The following TUSC3 variants were observed in gnomAD, a reference collection of about 807,000 sequenced individuals.
TUSC3 encodes the protein dolichyl-diphosphooligosaccharide--protein glycosyltransferase subunit TUSC3.
In TUSC3, 45 loss-of-function variants were observed where a neutral mutation model predicts 44.8. The ratio of observed to expected loss-of-function variants is 1.00; its 90% CI spans 0.79 to 1.29. The LOEUF is 1.29. TUSC3 is among the 50% of genes most tolerant of loss of function. The pLI is 0.00. For synonymous variants in TUSC3, 212 were observed against 152.9 expected, an observed-to-expected ratio of 1.39 and a Z score of -2.85; for missense variants, 519 against 437.9, an observed-to-expected ratio of 1.19 and a Z score of -1.65.
chr8:15,687,281 A>T (rs1808677262), intron 6 of TUSC3, among the ~76,000 whole-genome samples: 1 of 151,942 alleles, frequency 6.6e-6, no homozygotes, highest in Non-Finnish European at 1.5e-5. Context: ...TCTAGTGGGG[A>T]TACATAATAT....
At chr8:15,801,106 A>G in the TUSC3 span, among the ~76,000 whole-genome samples, 2 of 152,220 alleles carry the variant, frequency 1.3e-5, no homozygotes, top group Non-Finnish European at 2.9e-5. Flanking sequence ...AAAGAATAAA[A>G]GAATGGCTAC....
At chr8:15,550,807 G>C (rs1025445719) in intron 1 of TUSC3, among the ~76,000 whole-genome samples, 8 of 151,746 alleles carry the variant, frequency 5.3e-5, no homozygotes, top group Admixed American at 1.3e-4. Flanking sequence ...GAGTAGCTGG[G>C]ATTACAAGCG....
chr8:15,751,409 A>G (rs1811697208), intron 9 of TUSC3, among the ~76,000 whole-genome samples: 2 of 152,160 alleles, frequency 1.3e-5, no homozygotes, highest in South Asian at 4.1e-4. Flanking sequence ...TAATGTCTTT[A>G]TACTGTTCTC....
In TUSC3 at chr8:15,726,792, G is replaced by C. The variant is rs575473168; in HGVS notation, c.799-3874G>C. Among the ~76,000 whole-genome samples, 423 of 152,214 alleles carry C rather than the reference G, an allele frequency of 2.8e-3. 24 individuals carry two copies. The South Asian group carries it at 0.086, about 31-fold the overall frequency. ...CTGCAGTCCAGCCTGGGTGAAAAGC[G>C]TGAAACTTTGTCTCAAAAACAAAAG... is the stretch of plus-strand genomic sequence containing the variant. On this transcript the variant is annotated intron_variant, in intron 6 of 10. Coordinates refer to ENST00000503731, the MANE Select transcript of TUSC3 (RefSeq NM_006765.4).
chr8:15,483,649 A>ATTTTGTTTTTTTTT, intron 2 of TUSC3, among the ~76,000 whole-genome samples: 1 of 66,166 alleles, frequency 1.5e-5, no homozygotes, highest in East Asian at 6.7e-4. Context: ...TAGCACTGTG[A>ATTTTGTTTTTTTTT]TTTTTTTTTT....
Position 15,581,896 on chromosome 8 carries a change from CCCTCCCCCAG to C in TUSC3, c.139-41179_139-41170del, listed in dbSNP as rs1192151162. 7.0e-5 allele frequency among the ~76,000 whole-genome samples: 10 copies of C among 141,892 alleles called. 1 individual carries two copies. The South Asian group carries it at 2.2e-3, about 32-fold the overall frequency. 93.1% of individuals were successfully genotyped at this position (141,892 alleles called of 152,430 possible). Reference sequence around the variant, plus strand: ...ATCAAGCCTGGGCAATGGCGGGCGCCCCTCCCCCAGCCTCGCTGCCGCCTTGCAGTTTGAT... The same window carrying C: ...ATCAAGCCTGGGCAATGGCGGGCGCCCCTCGCTGCCGCCTTGCAGTTTGAT... On this transcript the variant is annotated intron_variant, in intron 1 of 10. Coordinates refer to ENST00000503731, the MANE Select transcript of TUSC3 (RefSeq NM_006765.4).
intron 1 of TUSC3, among the ~76,000 whole-genome samples, chr8:15,592,764 G>A (rs1172611170): frequency 2.6e-5 from 4 of 152,078 alleles, no homozygotes; most frequent in Admixed American, 1.3e-4. Context: ...AAACAGTACT[G>A]TTCTGAGTTC....
At chr8:15,694,699 G>A (rs1037909601) in intron 6 of TUSC3, among the ~76,000 whole-genome samples, 37 of 152,210 alleles carry the variant, frequency 2.4e-4, no homozygotes, top group African/African-American at 8.2e-4. Flanking sequence ...ATTTTGGGGG[G>A]CCATGGCTTA....
Position 15,765,658 on chromosome 8 carries a change from A to C in TUSC3, c.*1502A>C, listed in dbSNP as rs1812306720. The C allele has an allele frequency of 1.3e-5, 2 of 151,970 alleles. No homozygotes were observed. The highest frequency in any genetic ancestry group is 4.8e-5 in the African/African-American group (2 of 41,416). The allele number at this position is 151,970 out of a possible 1,614,324, so 9.4% of individuals were successfully genotyped here. ...GTAATAATTGTAAGTTTATAATCAT[A>C]CTCCCAAATCTGTTACTAAAAATAA... On this transcript the variant is annotated 3_prime_UTR_variant, in exon 11 of 11. Coordinates refer to ENST00000503731, the MANE Select transcript of TUSC3 (RefSeq NM_006765.4).
chr8:15,603,303 A>G (rs921271692), intron 1 of TUSC3, among the ~76,000 whole-genome samples: 4 of 151,764 alleles, frequency 2.6e-5, no homozygotes, highest in African/African-American at 9.7e-5. Context: ...AATTAGAGGA[A>G]TATTGAGATG....
At chr8:15,602,023 C>T (rs1187490475) in intron 1 of TUSC3, among the ~76,000 whole-genome samples, 1 of 151,272 alleles carries the variant, frequency 6.6e-6, no homozygotes, top group Non-Finnish European at 1.5e-5. Context: ...CGATGTCTAC[C>T]TGAAATCTGA....
chr8:15,504,621 ATTTTTTT>A (rs869264757), intron 2 of TUSC3, among the ~76,000 whole-genome samples: 62 of 20,276 alleles, frequency 3.1e-3, no homozygotes, highest in African/African-American at 0.012. Context: ...ATATATATAT[ATTTTTTT>A]TTTTTTTTTT....
Position 15,420,106 on chromosome 8 carries a change from C to T in TUSC3, n.91+2801C>T, listed in dbSNP as rs111340244. 1.7e-3 allele frequency among the ~76,000 whole-genome samples: 254 copies of T among 152,188 alleles called. 2 individuals are homozygous for T. The highest frequency in any genetic ancestry group is 5.8e-3 in the African/African-American group (242 of 41,520). ...CACTATAACAAAGCTTATGCATACA[C>T]ACTTTATGGAGTATTGTGGTGGCCT... On this transcript the variant is annotated intron_variant and non_coding_transcript_variant, in intron 1 of 5. Coordinates refer to the TUSC3 transcript ENST00000503191.
At chr8:15,843,389 G>T in the TUSC3 span, among the ~76,000 whole-genome samples, 8 of 152,154 alleles carry the variant, frequency 5.3e-5, no homozygotes, top group East Asian at 1.4e-3. Context: ...CATGTTTTAA[G>T]AAATTCTGCA....
At chr8:15,654,218 T>C (rs1054949025) in intron 3 of TUSC3, among the ~76,000 whole-genome samples, 1 of 152,176 alleles carries the variant, frequency 6.6e-6, no homozygotes, top group African/African-American at 2.4e-5. Context: ...ACTTTCAGCT[T>C]TATAATTTTG....
chr8:15,772,149 T>A, the TUSC3 span, among the ~76,000 whole-genome samples: 1 of 151,522 alleles, frequency 6.6e-6, no homozygotes, highest in African/African-American at 2.4e-5. Flanking sequence ...CTTTAAAGAA[T>A]TGGAAAAAGA....
chr8:15,632,201 T>C (rs1805802708), intron 2 of TUSC3, among the ~76,000 whole-genome samples: 1 of 152,192 alleles, frequency 6.6e-6, no homozygotes, highest in African/African-American at 2.4e-5. Context: ...TACACCTCTT[T>C]CTTTTAATCT....
chr8:15,552,475 A>C (rs1802091670), intron 1 of TUSC3, among the ~76,000 whole-genome samples: 1 of 151,758 alleles, frequency 6.6e-6, no homozygotes, highest in Admixed American at 6.6e-5. Context: ...CTGGGAAATA[A>C]TGGGCGCTAT....
the TUSC3 span, among the ~76,000 whole-genome samples, chr8:15,777,671 A>C: frequency 2.6e-5 from 4 of 152,182 alleles, no homozygotes; most frequent in African/African-American, 9.6e-5. Flanking sequence ...TTCATAAGAC[A>C]AGTATACACT....
Sources: allele counts gnomAD v4.1 joint callset (sites outside exome capture counted in the v4.1 genomes callset), GRCh38; gene constraint gnomAD v4.1.1; transcripts MANE v1.5; gene names NCBI Gene and HGNC (gene_info 2026-07-23, HGNC 2026-07-21).